Variants in CSMD1 observed in about 807,000 individuals in gnomAD.
CSMD1 encodes the protein CUB and Sushi multiple domains 1.
Under a neutral mutation model 417.5 loss-of-function variants are expected in CSMD1, and 213 were observed. The ratio of observed to expected loss-of-function variants is 0.51; its 90% CI spans 0.46 to 0.57. CSMD1 has a LOEUF of 0.57. Ranked by LOEUF, CSMD1 falls within the 20% of genes least tolerant of loss-of-function variation. The pLI is 0.00. For synonymous variants in CSMD1, 2,862 were observed against 1,736.8 expected (o/e 1.65, Z -16.11); for missense variants, 6,923 against 4,529.7 (o/e 1.53, Z -15.17).
At chr8:4,953,495 A>G (rs1362236756) in intron 1 of CSMD1, among the ~76,000 whole-genome samples, 3 of 152,130 alleles carry the variant, frequency 2.0e-5, no homozygotes, top group African/African-American at 4.8e-5. Flanking sequence ...TGAACCCAAC[A>G]TCGTCCACGG....
chr8:3,082,874 G>A (rs1469779150), intron 49 of CSMD1, among the ~76,000 whole-genome samples: 1 of 152,186 alleles, frequency 6.6e-6, no homozygotes, highest in Non-Finnish European at 1.5e-5. Flanking sequence ...TATCCCTACA[G>A]ATGTGCTATG....
intron 1 of CSMD1, among the ~76,000 whole-genome samples, chr8:4,932,551 T>G (rs1255800082): frequency 1.3e-5 from 2 of 152,152 alleles, no homozygotes; most frequent in Non-Finnish European, 2.9e-5. Context: ...AAATAAAGCT[T>G]GTGACGTGTG....
intron 1 of CSMD1, among the ~76,000 whole-genome samples, chr8:4,948,641 T>C (rs1261834804): frequency 2.0e-5 from 3 of 152,108 alleles, no homozygotes; most frequent in Non-Finnish European, 2.9e-5. Flanking sequence ...TGAAATATAG[T>C]ATTATAAATA....
chr8:4,981,211 G>C (rs1810871527), intron 1 of CSMD1, among the ~76,000 whole-genome samples: 1 of 152,156 alleles, frequency 6.6e-6, no homozygotes, highest in Non-Finnish European at 1.5e-5. Flanking sequence ...CATGAAGGCA[G>C]TACAGTGTGT....
chr8:3,641,182 T>A (rs1455759496), intron 7 of CSMD1, among the ~76,000 whole-genome samples: 1 of 152,052 alleles, frequency 6.6e-6, no homozygotes, highest in Non-Finnish European at 1.5e-5. Flanking sequence ...CAATGGGTGA[T>A]CACTTGACTG....
intron 48 of CSMD1, among the ~76,000 whole-genome samples, chr8:3,089,287 G>C (rs1351887744): frequency 6.6e-6 from 1 of 152,196 alleles, no homozygotes; most frequent in Admixed American, 6.5e-5. Flanking sequence ...TGGAATTTCG[G>C]TGTGAATGCC....
rs372326255 is a variant in CSMD1, at chr8:3,409,404, G to A, written c.1744+19C>T. On this transcript the variant is annotated intron_variant, in intron 13 of 69. Transcript: ENST00000635120. ...CCTTGCAGGACAGGAGGGAGTCCAG[G>A]TCAAGGCATAATACTCACATACACA... The A allele has an allele frequency of 5.6e-6, 9 of 1,594,588 alleles. No individual in the cohort carries two copies. Among genetic ancestry groups the A allele is most frequent in the Non-Finnish European group, 7.7e-6 (9 of 1,169,322 alleles).
intron 3 of CSMD1, among the ~76,000 whole-genome samples, chr8:4,258,086 G>A (rs1396165338): frequency 6.6e-6 from 1 of 151,598 alleles, no homozygotes; most frequent in Non-Finnish European, 1.5e-5. Context: ...TGGGACTACA[G>A]GCCCGTGCTA....
chr8:4,369,210 A>C lies in CSMD1; in HGVS notation c.415+50743T>G, dbSNP rs74782802. Among the ~76,000 whole-genome samples, 742 of 152,208 alleles carry C rather than the reference A, an allele frequency of 4.9e-3. 7 individuals carry two copies. Among genetic ancestry groups the C allele is most frequent in the African/African-American group, 0.016 (683 of 41,540 alleles). On this transcript the variant is annotated intron_variant, in intron 3 of 69. Coordinates refer to ENST00000635120, the MANE Select transcript of CSMD1 (RefSeq NM_033225.6). The stretch of plus-strand genomic sequence containing the variant: ...TGACTTAATTTCATTCTTTACCTAA[A>C]AGTCATTTGGTGTCAAGTTCAACTT...
chr8:4,782,065 A>G (rs1256542612), intron 1 of CSMD1, among the ~76,000 whole-genome samples: 1 of 152,212 alleles, frequency 6.6e-6, no homozygotes, highest in Admixed American at 6.5e-5. Flanking sequence ...ATTATTTCAA[A>G]TTACAGTAGC....
At chr8:4,412,491 C>G (rs990434154) in intron 3 of CSMD1, among the ~76,000 whole-genome samples, 1 of 152,112 alleles carries the variant, frequency 6.6e-6, no homozygotes, top group Non-Finnish European at 1.5e-5. Flanking sequence ...TCCTGTCCAG[C>G]CTGCAGAACT....
intron 1 of CSMD1, among the ~76,000 whole-genome samples, chr8:4,754,485 C>A (rs9657369): frequency 0.11 from 16,291 of 151,824 alleles, 962 homozygotes; most frequent in Non-Finnish European, 0.13. Context: ...GCAATTTTTG[C>A]ACTTCCAAGT....
intron 3 of CSMD1, among the ~76,000 whole-genome samples, chr8:4,165,053 G>A (rs567684999): frequency 2.6e-5 from 4 of 152,166 alleles, no homozygotes; most frequent in African/African-American, 9.7e-5. Flanking sequence ...GGTAGAGGCT[G>A]TGTAGACAGT....
At chr8:4,366,344 G>C (rs1802069730) in intron 3 of CSMD1, among the ~76,000 whole-genome samples, 1 of 151,928 alleles carries the variant, frequency 6.6e-6, no homozygotes, top group African/African-American at 2.4e-5. Flanking sequence ...TGAACATCGT[G>C]GCTGATTCCA....
At chr8:3,142,077 G>C (rs376046785) in intron 41 of CSMD1, among the ~76,000 whole-genome samples, 1 of 152,144 alleles carries the variant, frequency 6.6e-6, no homozygotes, top group African/African-American at 2.4e-5. Flanking sequence ...GATTACAGGC[G>C]TGAGCCACCG....
intron 3 of CSMD1, among the ~76,000 whole-genome samples, chr8:4,109,343 C>T (rs749653434): frequency 4.6e-5 from 7 of 151,922 alleles, no homozygotes; most frequent in South Asian, 2.1e-4. Flanking sequence ...ATCATTTTCA[C>T]GAATAAAATC....
chr8:4,119,177 C>T (rs1265681906), intron 3 of CSMD1, among the ~76,000 whole-genome samples: 1 of 151,996 alleles, frequency 6.6e-6, no homozygotes, highest in Admixed American at 6.5e-5. Context: ...TTGATAGGTG[C>T]AGCAAACCAT....
intron 5 of CSMD1, among the ~76,000 whole-genome samples, chr8:3,801,444 A>G (rs1200003624): frequency 6.6e-6 from 1 of 152,172 alleles, no homozygotes; most frequent in African/African-American, 2.4e-5. Context: ...CATACCCACT[A>G]GAAGGGCTAT....
intron 5 of CSMD1, among the ~76,000 whole-genome samples, chr8:3,773,008 G>A (rs900148129): frequency 5.9e-5 from 9 of 152,146 alleles, no homozygotes; most frequent in Admixed American, 1.3e-4. Flanking sequence ...CTGATTCAGA[G>A]GCAGGACCTC....
Sources: gnomAD v4.1 joint callset for allele counts (sites outside exome capture counted in the v4.1 genomes callset) on GRCh38, gnomAD v4.1.1 for gene constraint, MANE v1.5 for transcripts, NCBI Gene and HGNC (gene_info 2026-07-23, HGNC 2026-07-21) for gene names.